The following PPCDC variants were observed in gnomAD, a reference collection of about 807,000 sequenced individuals.
The protein encoded by PPCDC is phosphopantothenoylcysteine decarboxylase.
A neutral mutation model predicts 20.7 loss-of-function variants in PPCDC; 20 were observed. That is an observed-to-expected ratio of 0.97 (90% confidence interval 0.68 to 1.41). PPCDC has a LOEUF of 1.41. Among genes scored for constraint, PPCDC ranks in the 40% most tolerant of loss-of-function variants. The pLI is 0.00. For synonymous variants in PPCDC, 88 were observed against 100.3 expected, an observed-to-expected ratio of 0.88 and a Z score of 0.73; for missense variants, 246 against 263.8, an observed-to-expected ratio of 0.93 and a Z score of 0.47.
intron 2 of PPCDC, among the ~76,000 whole-genome samples, chr15:75,033,011 C>G (rs1458668532): frequency 1.3e-5 from 2 of 152,026 alleles, no homozygotes; most frequent in Non-Finnish European, 2.9e-5. Context: ...CTATGTTGCC[C>G]AGGCTGGTCT....
chr15:75,047,686 A>T (rs1369860156), intron 4 of PPCDC, among the ~76,000 whole-genome samples: 1 of 152,076 alleles, frequency 6.6e-6, no homozygotes, highest in Admixed American at 6.5e-5. Flanking sequence ...AGCCATTCTC[A>T]CCTCAGTCCT....
intron 2 of PPCDC, among the ~76,000 whole-genome samples, chr15:75,037,323 C>A (rs535281883): frequency 2.0e-5 from 3 of 152,208 alleles, no homozygotes; most frequent in African/African-American, 7.2e-5. Context: ...GGTCCAGAGC[C>A]CCCCAGGGTG....
At chr15:75,044,604 C>A in intron 4 of PPCDC, 90 bp downstream of exon 4, 3 of 1,515,662 alleles carry the variant, frequency 2.0e-6, no homozygotes, top group African/African-American at 2.7e-5. Context: ...AGACCTGCTG[C>A]TGTGGGGCCC....
intron 3 of PPCDC, 109 bp from the exon 4 acceptor site, chr15:75,044,270 TGGCCTGG>T: frequency 6.9e-7 from 1 of 1,446,102 alleles, no homozygotes; most frequent in Non-Finnish European, 9.5e-7. Context: ...GAACGGAGGT[TGGCCTGG>T]GCAGGGCAGG....
intron 1 of PPCDC, among the ~76,000 whole-genome samples, chr15:75,024,894 T>C (rs1214541854): frequency 6.7e-6 from 1 of 148,310 alleles, no homozygotes; most frequent in Non-Finnish European, 1.5e-5. Context: ...GTAAATGCTA[T>C]GTAAATAGCT....
intron 2 of PPCDC, among the ~76,000 whole-genome samples, chr15:75,037,282 G>A (rs1047181914): frequency 1.3e-5 from 2 of 152,140 alleles, no homozygotes; most frequent in African/African-American, 4.8e-5. Context: ...GTGGAAGGGA[G>A]GACATGTAAC....
chr15:75,036,997 C>T (rs1271897135), intron 2 of PPCDC, among the ~76,000 whole-genome samples: 1 of 152,088 alleles, frequency 6.6e-6, no homozygotes, highest in Non-Finnish European at 1.5e-5. Flanking sequence ...TTCTGAAGGC[C>T]AGCACTAGGC....
chr15:75,040,769 G>A (rs146420805), intron 2 of PPCDC, among the ~76,000 whole-genome samples: 8 of 151,992 alleles, frequency 5.3e-5, no homozygotes, highest in African/African-American at 1.2e-4. Context: ...CAAGGGCTCC[G>A]CCCACTTCAG....
At chr15:75,029,852 C>T (rs1047787799) in intron 2 of PPCDC, among the ~76,000 whole-genome samples, 1 of 152,108 alleles carries the variant, frequency 6.6e-6, no homozygotes, top group East Asian at 1.9e-4. Flanking sequence ...AGTGAGTTTC[C>T]GGACTAGGGG....
In PPCDC at chr15:75,047,376, G is replaced by C. The variant is rs551530080; in HGVS notation, c.361-1177G>C. Among the ~76,000 whole-genome samples, 384 of 152,334 alleles carry C rather than the reference G, an allele frequency of 2.5e-3. 2 individuals carry two copies. Among genetic ancestry groups the C allele is most frequent in the African/African-American group, 8.7e-3 (360 of 41,580 alleles). On this transcript the variant is annotated intron_variant, in intron 4 of 5. Transcript: ENST00000342932. ...CAGCCAGGTCCCAGGGCTGTTTGCT[G>C]TCCTGCTTCCTCCCTGTCCCTGGGA...
intron 2 of PPCDC, among the ~76,000 whole-genome samples, chr15:75,028,816 T>C: frequency 6.6e-6 from 1 of 152,154 alleles, no homozygotes; most frequent in Non-Finnish European, 1.5e-5. Context: ...TGCCTTGGGC[T>C]TCCCCATCCC....
At chr15:75,044,594 A>C in intron 4 of PPCDC, 80 bp downstream of exon 4, 1 of 1,540,158 alleles carries the variant, frequency 6.5e-7, no homozygotes, top group Non-Finnish European at 8.8e-7. Flanking sequence ...TTGTACAAGG[A>C]GACCTGCTGC....
rs1359726555 is a variant in PPCDC at position 75,043,431 on chromosome 15, T to C, written c.136-10T>C. The stretch of plus-strand genomic sequence containing the variant: ...CTCCCTCCCCGCCACCCCCTTCTTC[T>C]TGGTGACAGCTGGAAGTAGCAGTGG... On this transcript the variant is annotated splice_polypyrimidine_tract_variant and intron_variant, in intron 2 of 5. Transcript: ENST00000342932. The C allele has an allele frequency of 6.2e-7, 1 of 1,606,112 alleles. No individual in the cohort carries two copies. Among genetic ancestry groups the C allele is most frequent in the Non-Finnish European group, 8.5e-7 (1 of 1,175,248 alleles).
At chr15:75,046,483 C>T (rs888178889) in intron 4 of PPCDC, among the ~76,000 whole-genome samples, 19 of 152,384 alleles carry the variant, frequency 1.2e-4, no homozygotes, top group African/African-American at 4.1e-4. Context: ...TCCCCTTTTC[C>T]TTCTAAGCTG....
intron 2 of PPCDC, among the ~76,000 whole-genome samples, chr15:75,038,426 G>A (rs1337857034): frequency 6.6e-6 from 1 of 152,222 alleles, no homozygotes; most frequent in Non-Finnish European, 1.5e-5. Context: ...CAACTCTGGT[G>A]AGGGGAAGTT....
intron 2 of PPCDC, among the ~76,000 whole-genome samples, chr15:75,034,966 A>G (rs1209618354): frequency 1.3e-5 from 2 of 152,100 alleles, no homozygotes; most frequent in East Asian, 1.9e-4. Context: ...GAGCTGTGCT[A>G]TCCGATAAAT....
intron 2 of PPCDC, among the ~76,000 whole-genome samples, chr15:75,033,066 G>T (rs2066042970): frequency 6.6e-6 from 1 of 152,126 alleles, no homozygotes; most frequent in East Asian, 1.9e-4. Flanking sequence ...ACCTCCCAAA[G>T]TGCTGGGATT....
chr15:75,025,184 G>A (rs2065946915), intron 1 of PPCDC, among the ~76,000 whole-genome samples: 1 of 152,194 alleles, frequency 6.6e-6, no homozygotes, highest in Admixed American at 6.5e-5. Flanking sequence ...AAATTGCTGG[G>A]ATTACAGGTG....
intron 2 of PPCDC, among the ~76,000 whole-genome samples, chr15:75,041,212 C>T (rs1274899251): frequency 6.6e-6 from 1 of 152,198 alleles, no homozygotes; most frequent in Non-Finnish European, 1.5e-5. Context: ...CCAGTGGCAT[C>T]TCCAGGACTG....
Sources: allele counts gnomAD v4.1 joint callset (sites outside exome capture counted in the v4.1 genomes callset), GRCh38; gene constraint gnomAD v4.1.1; transcripts MANE v1.5; gene names NCBI Gene and HGNC (gene_info 2026-07-23, HGNC 2026-07-21).